PCDHGA5: variants seen among roughly 807,000 people sequenced by gnomAD.
PCDHGA5 encodes the protein protocadherin gamma-A5.
PCDHGA5 carries 36 observed loss-of-function variants against 56.7 expected under a neutral mutation model. The observed-to-expected ratio is 0.64, with a 90% CI of 0.49 to 0.84. The LOEUF is 0.84. Ranked by LOEUF, PCDHGA5 falls within the 40% of genes least tolerant of loss-of-function variation. The pLI is 0.00. For missense variants in PCDHGA5, 1,305 were observed against 1,201.5 expected, an observed-to-expected ratio of 1.09 and a Z score of -1.27; for synonymous variants, 563 against 520.2, an observed-to-expected ratio of 1.08 and a Z score of -1.12.
At chr5:141,415,397 G>T (rs1168654728) in intron 1 of PCDHGA5, 1 of 1,614,124 alleles carries the variant, frequency 6.2e-7, no homozygotes, top group African/African-American at 1.3e-5. Context: ...GGTGTGTCCG[G>T]CTCGCACTTT....
At chr5:141,440,093 GA>G (rs2098151022) in intron 1 of PCDHGA5, 1 of 152,302 alleles carries the variant, frequency 6.6e-6, no homozygotes, top group Non-Finnish European at 1.5e-5. Context: ...TCTAAGTGGG[GA>G]AAGTGGAGAC....
rs146273580 is a variant in PCDHGA5 at position 141,382,696 on chromosome 5, A to C, written c.2421+15945A>C. 2.9e-3 allele frequency: 1,317 copies of C among 455,920 alleles called. 5 individuals are homozygous for C. The highest frequency in any genetic ancestry group is 2.7e-3 in the Non-Finnish European group (706 of 261,386). 28.2% of individuals were successfully genotyped at this position (455,920 alleles called of 1,614,324 possible). A position where few individuals can be genotyped will look rare whatever the true frequency, so the allele number is the denominator to read the frequency against. ...TCACCAACCAGGGAAAAATGGTGCG[A>C]GAGATCCCACAGAAACCACCGAGTT... On this transcript the variant is annotated intron_variant, in intron 1 of 3. Transcript: ENST00000518069.
At position 141,383,491 on chromosome 5, in the gene PCDHGA5, C is replaced by T. The variant is rs116533786; in HGVS notation, c.2421+16740C>T. The T allele has an allele frequency of 1.9e-6, 3 of 1,613,000 alleles. No individual in the cohort carries two copies. The highest frequency in any genetic ancestry group is 2.5e-6 in the Non-Finnish European group (3 of 1,179,496). On this transcript the variant is annotated intron_variant, in intron 1 of 3. Coordinates refer to ENST00000518069, the MANE Select transcript of PCDHGA5 (RefSeq NM_018918.3). Reference sequence around the variant, plus strand: ...TAAGTACCCGGAACTGGTGCTGGAGCGGGTGCTGGACCGGGAGGAAGAGCG... The same window carrying T: ...TAAGTACCCGGAACTGGTGCTGGAGTGGGTGCTGGACCGGGAGGAAGAGCG...
intron 1 of PCDHGA5, chr5:141,410,715 G>A: frequency 1.4e-6 from 2 of 1,422,782 alleles, no homozygotes; most frequent in Non-Finnish European, 1.9e-6. Context: ...AGAATCATAT[G>A]TTTAAAATCC....
chr5:141,420,974 T>C, intron 1 of PCDHGA5: 1 of 460,696 alleles, frequency 2.2e-6, no homozygotes, highest in Non-Finnish European at 3.8e-6. Flanking sequence ...ATAATAAGAA[T>C]GGGCTCTAGG....
chr5:141,404,261 C>G, intron 1 of PCDHGA5: 1 of 1,613,950 alleles, frequency 6.2e-7, no homozygotes. Flanking sequence ...CACAGAAATT[C>G]ACATCACCCT....
intron 1 of PCDHGA5, chr5:141,379,535 GGAAA>G (rs1209928987): frequency 6.6e-6 from 1 of 152,098 alleles, no homozygotes; most frequent in Non-Finnish European, 1.5e-5. Flanking sequence ...GTTGTTATAG[GGAAA>G]GCTCACTAAC....
chr5:141,491,837 G>A lies in PCDHGA5; in HGVS notation c.2422-2970G>A, dbSNP rs1404051857. The A allele has an allele frequency of 1.4e-6, 2 of 1,472,862 alleles. No individual in the cohort carries two copies. The highest frequency in any genetic ancestry group is 1.8e-6 in the Non-Finnish European group (2 of 1,111,878). The allele number at this position is 1,472,862 out of a possible 1,614,324, so 91.2% of individuals were successfully genotyped here. A position where few individuals can be genotyped will look rare whatever the true frequency, so the allele number is the denominator to read the frequency against. ...TGGCTGCGCTCCACCCGATTCTCGG[G>A]ATCATTGGACCGTTTGCGCGAAACC... On this transcript the variant is annotated intron_variant, in intron 1 of 3. Transcript: ENST00000518069. The surrounding 1 kb of genome is among the most constrained non-coding windows in gnomAD (Gnocchi z 6.9).
Position 141,490,389 on chromosome 5 carries a change from T to C in PCDHGA5, c.2422-4418T>C, listed in dbSNP as rs1221410350. The C allele has an allele frequency of 6.2e-7, 1 of 1,614,174 alleles. No homozygotes were observed. Among genetic ancestry groups the C allele is most frequent in the African/African-American group, 1.3e-5 (1 of 75,040 alleles). On this transcript the variant is annotated intron_variant, in intron 1 of 3. Transcript: ENST00000518069. The surrounding 1 kb of genome is among the most constrained non-coding windows in gnomAD (Gnocchi z 5.4). The stretch of plus-strand genomic sequence containing the variant: ...GAGACCGGGACTCAGGTAGAAATGG[T>C]GAAGTGAGCCTTGATATCTCTCCGG...
intron 2 of PCDHGA5, among the ~76,000 whole-genome samples, chr5:141,499,575 T>TCCCTA (rs2099792820): frequency 1.3e-5 from 2 of 152,202 alleles, no homozygotes; most frequent in Non-Finnish European, 2.9e-5. Context: ...CTTCAACTAA[T>TCCCTA]GCCTTATCTT....
At chr5:141,458,727 A>G (rs1424554234) in intron 1 of PCDHGA5, among the ~76,000 whole-genome samples, 1 of 151,570 alleles carries the variant, frequency 6.6e-6, no homozygotes, top group East Asian at 1.9e-4. Flanking sequence ...TCGCCACCAC[A>G]TCCAGCTATT....
rs759160174 is a variant in PCDHGA5, at chr5:141,385,062, G to T, written c.2421+18311G>T. 2.1e-5 allele frequency: 34 copies of T among 1,614,044 alleles called. No homozygotes were observed. In the South Asian group the frequency reaches 3.4e-4, roughly 16 times the overall value. On this transcript the variant is annotated intron_variant, in intron 1 of 3. Transcript: ENST00000518069. ...CGCTCAGGCTGCGGCGCTGGCACAA[G>T]TCACGCCTGCTGCAGGCTTCAGAAG... is the stretch of plus-strand genomic sequence containing the variant.
chr5:141,404,071 C>T, intron 1 of PCDHGA5: 2 of 1,613,734 alleles, frequency 1.2e-6, no homozygotes, highest in Non-Finnish European at 1.7e-6. Context: ...ATGCTCATGA[C>T]CGAGACTCCG....
chr5:141,414,867 C>T (rs2095797355), intron 1 of PCDHGA5: 9 of 1,614,230 alleles, frequency 5.6e-6, no homozygotes, highest in South Asian at 1.1e-5. Flanking sequence ...ACAATGCGCC[C>T]GAGATCCTGT....
At chr5:141,464,916 T>C (rs1298310554) in intron 1 of PCDHGA5, among the ~76,000 whole-genome samples, 1 of 152,024 alleles carries the variant, frequency 6.6e-6, no homozygotes, top group Non-Finnish European at 1.5e-5. Flanking sequence ...TTTTTTTATT[T>C]TTTTGTAGAG....
chr5:141,371,112 C>T (rs756319459), intron 1 of PCDHGA5: 1 of 1,613,922 alleles, frequency 6.2e-7, no homozygotes, highest in Non-Finnish European at 8.5e-7. Flanking sequence ...TGATAACCCC[C>T]CAGTATTTAC....
At chr5:141,402,487 A>G (rs1239262921) in intron 1 of PCDHGA5, among the ~76,000 whole-genome samples, 1 of 152,226 alleles carries the variant, frequency 6.6e-6, no homozygotes, top group Non-Finnish European at 1.5e-5. Flanking sequence ...AAGTTCTACC[A>G]AGAATAAGAA....
At chr5:141,400,143 T>C (rs2093969868) in intron 1 of PCDHGA5, 2 of 1,613,986 alleles carry the variant, frequency 1.2e-6, no homozygotes, top group Admixed American at 3.3e-5. Flanking sequence ...CGGATATCAC[T>C]GACCGCCCTG....
intron 1 of PCDHGA5, among the ~76,000 whole-genome samples, chr5:141,373,413 C>T (rs1769555622): frequency 6.6e-6 from 1 of 152,186 alleles, no homozygotes; most frequent in African/African-American, 2.4e-5. Flanking sequence ...GTCCCAGCTA[C>T]TCGGGAGGCT....
Sources: allele counts gnomAD v4.1 joint callset (sites outside exome capture counted in the v4.1 genomes callset), GRCh38; gene constraint gnomAD v4.1.1; non-coding constraint Gnocchi (gnomAD v3.1); transcripts MANE v1.5; gene names NCBI Gene and HGNC (gene_info 2026-07-23, HGNC 2026-07-21).